UNC13C: variants seen among roughly 807,000 people sequenced by gnomAD.
UNC13C encodes unc-13 homolog C, also known as protein unc-13 homolog C.
A neutral mutation model predicts 245.4 loss-of-function variants in UNC13C; 174 were observed. That is an observed-to-expected ratio of 0.71 (90% confidence interval 0.63 to 0.80). The LOEUF (loss-of-function observed/expected upper bound fraction) is 0.80, where lower values mean the gene tolerates loss of function less well. UNC13C is among the 30% of genes least tolerant of loss of function. The probability of loss-of-function intolerance (pLI) is 0.00; values close to 1 mark genes in which losing one functional copy is unlikely to be tolerated. For synonymous variants in UNC13C, 992 were observed against 895.1 expected (o/e 1.11, Z -1.93); for missense variants, 2,829 against 2,602.9 (o/e 1.09, Z -1.89).
intron 2 of UNC13C, among the ~76,000 whole-genome samples, chr15:54,067,537 C>T (rs1021557402): frequency 1.6e-4 from 24 of 152,124 alleles, no homozygotes; most frequent in African/African-American, 5.1e-4. Flanking sequence ...CATTTGAATA[C>T]TGTTTTAGGA....
intron 7 of UNC13C, among the ~76,000 whole-genome samples, chr15:54,238,439 A>G (rs1239842475): frequency 6.6e-6 from 1 of 152,094 alleles, no homozygotes; most frequent in African/African-American, 2.4e-5. Flanking sequence ...GCTTGGTATG[A>G]GTCCCATCTG....
intron 30 of UNC13C, among the ~76,000 whole-genome samples, chr15:54,575,807 G>A (rs1011404225): frequency 1.1e-4 from 16 of 152,180 alleles, no homozygotes; most frequent in African/African-American, 3.6e-4. Flanking sequence ...GGCACCATTG[G>A]ACTATCTAGA....
intron 16 of UNC13C, 53 bp from the exon 17 acceptor site, chr15:54,338,308 G>A: frequency 6.3e-7 from 1 of 1,581,150 alleles, no homozygotes; most frequent in Non-Finnish European, 8.6e-7. Context: ...GTTTATACTA[G>A]ATTACAATGT....
chr15:53,941,926 C>T, the UNC13C span, among the ~76,000 whole-genome samples: 38 of 152,046 alleles, frequency 2.5e-4, no homozygotes, highest in African/African-American at 8.7e-4. Flanking sequence ...ATGAGGTTGC[C>T]GAGAAAAAGG....
At chr15:54,033,675 T>G (rs751475092) in intron 2 of UNC13C, among the ~76,000 whole-genome samples, 1 of 152,290 alleles carries the variant, frequency 6.6e-6, no homozygotes, top group South Asian at 2.1e-4. Context: ...TCCTCTTGTT[T>G]TGCAGATGAG....
At chr15:54,568,928 C>T (rs1477191500) in intron 30 of UNC13C, among the ~76,000 whole-genome samples, 1 of 152,098 alleles carries the variant, frequency 6.6e-6, no homozygotes, top group African/African-American at 2.4e-5. Context: ...CAATTAAAAA[C>T]TACAATTATC....
At chr15:53,975,848 T>C (rs980370413), upstream of UNC13C, among the ~76,000 whole-genome samples, 27 of 152,222 alleles carry the variant, frequency 1.8e-4, no homozygotes, top group Non-Finnish European at 3.7e-4. Flanking sequence ...ATCTTATTAT[T>C]TAATCCAACC....
intron 31 of UNC13C, 26 bp downstream of exon 31, chr15:54,622,445 A>G (rs1473727416): frequency 6.5e-7 from 1 of 1,547,294 alleles, no homozygotes; most frequent in Non-Finnish European, 8.9e-7. Flanking sequence ...AGATAAATCA[A>G]AACAGCCTTC....
intron 19 of UNC13C, among the ~76,000 whole-genome samples, chr15:54,485,940 G>A (rs1243083784): frequency 1.3e-5 from 2 of 152,052 alleles, no homozygotes; most frequent in Non-Finnish European, 2.9e-5. Flanking sequence ...AGGCACTCCA[G>A]GCCCACTTCC....
intron 24 of UNC13C, among the ~76,000 whole-genome samples, chr15:54,512,585 G>C (rs954051151): frequency 1.3e-5 from 2 of 152,142 alleles, no homozygotes; most frequent in African/African-American, 4.8e-5. Flanking sequence ...TTGAGGACTG[G>C]AGAAGGTGCT....
chr15:54,263,405 T>C (rs1416117275), intron 8 of UNC13C, among the ~76,000 whole-genome samples: 1 of 152,138 alleles, frequency 6.6e-6, no homozygotes, highest in African/African-American at 2.4e-5. Flanking sequence ...ATCTAGCCAG[T>C]AGCTTAAGGT....
chr15:54,471,276 A>T (rs1892448780), intron 19 of UNC13C, among the ~76,000 whole-genome samples: 1 of 151,480 alleles, frequency 6.6e-6, no homozygotes, highest in Non-Finnish European at 1.5e-5. Flanking sequence ...TTATCTATCT[A>T]TTGTTGAAAG....
intron 4 of UNC13C, among the ~76,000 whole-genome samples, chr15:54,216,419 C>G (rs1484467741): frequency 6.6e-6 from 1 of 151,816 alleles, no homozygotes; most frequent in Non-Finnish European, 1.5e-5. Context: ...TAAAAAATGT[C>G]AGGGAAAATA....
chr15:54,138,952 A>AATTTTTT (rs2031872009), intron 2 of UNC13C, among the ~76,000 whole-genome samples: 1 of 20,496 alleles, frequency 4.9e-5, no homozygotes, highest in Non-Finnish European at 1.1e-4. Flanking sequence ...AATTTCCCCT[A>AATTTTTT]ATTTTTTTTT....
chr15:54,303,167 C>T (rs1425317197), intron 13 of UNC13C, among the ~76,000 whole-genome samples: 3 of 152,112 alleles, frequency 2.0e-5, no homozygotes, highest in Non-Finnish European at 2.9e-5. Flanking sequence ...ATAGGGAGCT[C>T]ACTACTTTGG....
At chr15:53,925,764 G>A in the UNC13C span, among the ~76,000 whole-genome samples, 2 of 152,128 alleles carry the variant, frequency 1.3e-5, no homozygotes, top group African/African-American at 2.4e-5. Context: ...ACACTAGCTC[G>A]CAGCCTAATC....
the UNC13C span, among the ~76,000 whole-genome samples, chr15:53,959,913 T>C: frequency 6.6e-6 from 1 of 152,180 alleles, no homozygotes; most frequent in Non-Finnish European, 1.5e-5. Context: ...AATCGCATTT[T>C]AGAAAAAGAA....
chr15:54,052,066 C>T (rs1897294269), intron 2 of UNC13C, among the ~76,000 whole-genome samples: 1 of 115,524 alleles, frequency 8.7e-6, no homozygotes, highest in African/African-American at 3.4e-5. Flanking sequence ...CCAATTTCAT[C>T]CATGTCCCTA....
At chr15:54,458,680 CTTTTTTTTTTTT>C (rs79291504) in intron 19 of UNC13C, among the ~76,000 whole-genome samples, 2 of 65,974 alleles carry the variant, frequency 3.0e-5, no homozygotes, top group Non-Finnish European at 5.2e-5. Context: ...CCTTTAAGGT[CTTTTTTTTTTTT>C]TTTTTTTTTT....
Sources: allele counts gnomAD v4.1 joint callset (sites outside exome capture counted in the v4.1 genomes callset), GRCh38; gene constraint gnomAD v4.1.1; transcripts MANE v1.5; gene names NCBI Gene and HGNC (gene_info 2026-07-23, HGNC 2026-07-21).